MYPN: variants seen among roughly 807,000 people sequenced by gnomAD.
MYPN encodes the protein myopalladin.
Under a neutral mutation model 129.4 loss-of-function variants are expected in MYPN, and 63 were observed. The ratio of observed to expected loss-of-function variants is 0.49; its 90% CI spans 0.40 to 0.60. The LOEUF (loss-of-function observed/expected upper bound fraction) is 0.60. MYPN is among the 20% of genes least tolerant of loss of function. The pLI, the probability that MYPN is intolerant of heterozygous loss-of-function variation, is 0.00. For synonymous variants in MYPN, 629 were observed against 600.9 expected (o/e 1.05, Z -0.68); for missense variants, 1,596 against 1,635.4 (o/e 0.98, Z 0.42).
chr10:68,161,625 C>A, intron 7 of MYPN, 104 bp from the exon 8 acceptor site: 1 of 838,692 alleles, frequency 1.2e-6, no homozygotes, highest in Non-Finnish European at 2.0e-6. Flanking sequence ...TTGTATCACT[C>A]CTGAGTGTGC....
At chr10:68,188,401 T>G (rs1228218256) in intron 12 of MYPN, among the ~76,000 whole-genome samples, 5 of 132,298 alleles carry the variant, frequency 3.8e-5, no homozygotes, top group South Asian at 2.7e-4. Context: ...TGAGCCACCA[T>G]GCCTGGCCTC....
intron 15 of MYPN, 102 bp downstream of exon 15, chr10:68,195,634 G>T (rs2043592473): frequency 1.1e-6 from 1 of 949,584 alleles, no homozygotes; most frequent in African/African-American, 1.6e-5. Flanking sequence ...ATTAAAGGTA[G>T]TCCTTCACTT....
intron 2 of MYPN, among the ~76,000 whole-genome samples, chr10:68,127,021 G>A (rs953806272): frequency 1.3e-5 from 2 of 152,142 alleles, no homozygotes; most frequent in African/African-American, 4.8e-5. Context: ...GAGTCTCTCC[G>A]TCACTCAGGC....
intron 14 of MYPN, 28 bp downstream of exon 14, chr10:68,194,540 T>C: frequency 6.2e-7 from 1 of 1,611,780 alleles, no homozygotes; most frequent in Non-Finnish European, 8.5e-7. Context: ...TGCGCTGTGC[T>C]GCACTCTGAG....
intron 11 of MYPN, among the ~76,000 whole-genome samples, chr10:68,175,047 G>A (rs1056845985): frequency 1.3e-5 from 2 of 152,072 alleles, no homozygotes; most frequent in African/African-American, 4.8e-5. Flanking sequence ...TGAGGCAGGA[G>A]AATCATTGAA....
At chr10:68,135,945 G>T (rs1184516438) in intron 2 of MYPN, among the ~76,000 whole-genome samples, 1 of 152,122 alleles carries the variant, frequency 6.6e-6, no homozygotes, top group African/African-American at 2.4e-5. Flanking sequence ...CAGAAGTTGG[G>T]ATAGGGACTT....
intron 6 of MYPN, among the ~76,000 whole-genome samples, chr10:68,151,836 T>C (rs1211113281): frequency 2.0e-5 from 3 of 152,222 alleles, no homozygotes; most frequent in Non-Finnish European, 4.4e-5. Context: ...CCTGCATCTA[T>C]GTCTAGGAAA....
In MYPN at chr10:68,199,507, G is replaced by A. The variant is rs2043673000; in HGVS notation, c.3425G>A (p.Gly1142Glu). 1.2e-6 allele frequency: 2 copies of A among 1,614,126 alleles called. No homozygotes were observed. The highest frequency in any genetic ancestry group is 1.7e-6 in the Non-Finnish European group (2 of 1,180,022). The change falls in exon 17 of 20, where the codon GGG becomes GAG. Residue 1142 changes from glycine (G) to glutamate (E), a missense_variant. Transcript: ENST00000358913. ...LIDPLTQRDAGTYKCIATNKT... is the reference protein window; with the variant it reads ...LIDPLTQRDAETYKCIATNKT... The stretch of plus-strand genomic sequence containing the variant: ...GACCCACTCACTCAGCGCGACGCAG[G>A]GACCTATAAGTGCATCGCTACCAAC...
At chr10:68,182,326 ATATATAACACAC>A in intron 12 of MYPN, among the ~76,000 whole-genome samples, 1 of 69,858 alleles carries the variant, frequency 1.4e-5, no homozygotes, top group Non-Finnish European at 3.5e-5. Flanking sequence ...TATATAACAT[ATATATAACACAC>A]ACATATATAA....
intron 2 of MYPN, chr10:68,136,790 G>T (rs1047387745): frequency 3.4e-6 from 5 of 1,480,004 alleles, no homozygotes; most frequent in South Asian, 1.2e-5. Context: ...TTGTATAATG[G>T]AAAGTATTAG....
intron 1 of MYPN, among the ~76,000 whole-genome samples, chr10:68,093,575 A>T (rs1428943505): frequency 1.5e-4 from 7 of 47,752 alleles, no homozygotes; most frequent in African/African-American, 4.7e-4. Context: ...CATCTCTACT[A>T]AAAAAAAAAA....
intron 5 of MYPN, 92 bp downstream of exon 5, chr10:68,148,559 C>A: frequency 1.0e-6 from 1 of 982,602 alleles, no homozygotes; most frequent in Non-Finnish European, 1.6e-6. Flanking sequence ...TCGTGTTTTT[C>A]TCAGGTGCAA....
At chr10:68,103,435 A>G (rs1174352115), upstream of MYPN, among the ~76,000 whole-genome samples, 1 of 152,214 alleles carries the variant, frequency 6.6e-6, no homozygotes, top group Non-Finnish European at 1.5e-5. Context: ...GAGCTTAGTC[A>G]TATGCTATTT....
At position 68,114,451 on chromosome 10, in the gene MYPN, C is replaced by A. The variant is rs147230699; in HGVS notation, c.-2+4728C>A. Among the ~76,000 whole-genome samples, 1,319 of 151,190 alleles carry A rather than the reference C, an allele frequency of 8.7e-3. 37 individuals carry two copies. The East Asian group carries it at 0.096, about 11-fold the overall frequency. ...GCAACTTTTGCCTCCTAGGTTCAAG[C>A]GATTCTCCTGTCTCAGCCTCCCAGG... is the stretch of plus-strand genomic sequence containing the variant. On this transcript the variant is annotated intron_variant, in intron 1 of 19. Coordinates refer to ENST00000358913, the MANE Select transcript of MYPN (RefSeq NM_032578.4).
intron 11 of MYPN, 78 bp from the exon 12 acceptor site, chr10:68,175,245 C>T (rs2043208689): frequency 1.3e-6 from 2 of 1,525,930 alleles, no homozygotes; most frequent in Admixed American, 3.4e-5. Context: ...GTTGTCATTT[C>T]AACCACTCTG....
At chr10:68,106,118 CA>C, upstream of MYPN, 1 of 453,438 alleles carries the variant, frequency 2.2e-6, no homozygotes, top group South Asian at 1.6e-5. Flanking sequence ...ACAAGTTAGG[CA>C]GTGAGATTTG....
chr10:68,177,014 C>T lies in MYPN; in HGVS notation c.2703+1553C>T, dbSNP rs114414129. Among the ~76,000 whole-genome samples, 635 of 152,326 alleles carry T rather than the reference C, an allele frequency of 4.2e-3. 6 individuals are homozygous for T. Among genetic ancestry groups the T allele is most frequent in the African/African-American group, 0.015 (617 of 41,576 alleles). The stretch of plus-strand genomic sequence containing the variant: ...AGCTGTATTCAGCCTATGTCTTTTA[C>T]AACTCGGAGAGAGAGCAATTAGAGC... On this transcript the variant is annotated intron_variant, in intron 12 of 19. Coordinates refer to ENST00000358913, the MANE Select transcript of MYPN (RefSeq NM_032578.4).
At chr10:68,135,477 G>A in intron 2 of MYPN, 1 of 984,548 alleles carries the variant, frequency 1.0e-6, no homozygotes, top group Non-Finnish European at 1.2e-6. Flanking sequence ...TGTATATGAA[G>A]AAGAGTTACT....
At chr10:68,200,216 A>G (rs147295022) in intron 17 of MYPN, among the ~76,000 whole-genome samples, 14 of 152,338 alleles carry the variant, frequency 9.2e-5, no homozygotes, top group African/African-American at 3.4e-4. Flanking sequence ...CGTCTTGCAC[A>G]TCTCCAGTGC....
Sources: allele counts gnomAD v4.1 joint callset (sites outside exome capture counted in the v4.1 genomes callset), GRCh38; gene constraint gnomAD v4.1.1; transcripts MANE v1.5; gene names NCBI Gene and HGNC (gene_info 2026-07-23, HGNC 2026-07-21).